Variants in TTLL12 observed in about 807,000 individuals in gnomAD.
TTLL12 encodes the protein tubulin--tyrosine ligase-like protein 12.
Under a neutral mutation model 79.6 loss-of-function variants are expected in TTLL12, and 77 were observed. The ratio of observed to expected loss-of-function variants is 0.97; its 90% CI spans 0.81 to 1.17. The LOEUF (loss-of-function observed/expected upper bound fraction) is 1.17, where lower values mean the gene tolerates loss of function less well. Among genes scored for constraint, TTLL12 ranks in the 50% most tolerant of loss-of-function variants. TTLL12 has a pLI of 0.00. For synonymous variants in TTLL12, 437 were observed against 376.1 expected, an observed-to-expected ratio of 1.16 and a Z score of -1.87; for missense variants, 969 against 895.9, an observed-to-expected ratio of 1.08 and a Z score of -1.04.
chr22:43,178,099 C>T (rs1931959742), intron 5 of TTLL12, among the ~76,000 whole-genome samples: 1 of 152,174 alleles, frequency 6.6e-6, no homozygotes, highest in Admixed American at 6.5e-5. Context: ...AAGGCATTCA[C>T]TTTTTCAGAC....
intron 3 of TTLL12, among the ~76,000 whole-genome samples, chr22:43,180,365 T>G (rs115768207): frequency 0.025 from 3,753 of 152,106 alleles, 177 homozygotes; most frequent in African/African-American, 0.079. Flanking sequence ...GCTAAAATCA[T>G]GAGAAACAAG....
chr22:43,186,813 G>A, intron 1 of TTLL12, 80 bp downstream of exon 1: 1 of 1,191,186 alleles, frequency 8.4e-7, no homozygotes, highest in Non-Finnish European at 1.0e-6. Flanking sequence ...GCCCGGGAGC[G>A]CTCTTCCCTG....
chr22:43,178,782 C>T (rs138944), intron 5 of TTLL12, among the ~76,000 whole-genome samples: 13,567 of 152,278 alleles, frequency 0.089, 722 homozygotes, highest in Non-Finnish European at 0.12. Flanking sequence ...CTGTGTGACC[C>T]CTGGCAAATG....
chr22:43,173,014 C>T (rs1014944761), intron 9 of TTLL12, among the ~76,000 whole-genome samples: 1 of 152,170 alleles, frequency 6.6e-6, no homozygotes, highest in Admixed American at 6.5e-5. Context: ...TCTTTATATC[C>T]ATTTTTAATT....
intron 11 of TTLL12, chr22:43,171,591 C>T (rs1931766054): frequency 2.0e-6 from 1 of 507,132 alleles, no homozygotes; most frequent in Non-Finnish European, 3.6e-6. Context: ...TTATCTCAAA[C>T]ACAGCCAGTG....
At chr22:43,185,585 G>A (rs1267734457) in intron 1 of TTLL12, among the ~76,000 whole-genome samples, 1 of 152,180 alleles carries the variant, frequency 6.6e-6, no homozygotes, top group African/African-American at 2.4e-5. Context: ...AGGCGGCCTG[G>A]GCAGGGGACG....
chr22:43,185,356 A>G (rs2413749), intron 1 of TTLL12, among the ~76,000 whole-genome samples: 5,780 of 147,556 alleles, frequency 0.039, 136 homozygotes, highest in Admixed American at 0.063. Flanking sequence ...AAGGTGAGGC[A>G]GGAGGGCTGA....
At position 43,168,825 on chromosome 22, in the gene TTLL12, G is replaced by A. The variant is rs138020386; in HGVS notation, c.1732C>T (p.Arg578Trp). Residue 578 changes from arginine (R) to tryptophan (W), a missense_variant, in exon 13 of 14, where the codon CGG (arginine) becomes TGG (tryptophan). Coordinates refer to ENST00000216129, the MANE Select transcript of TTLL12 (RefSeq NM_015140.4). ...PLGLCDYPSS[R>W]AMYAVDLMLK... ...ATGAGGTCGACGGCATACATGGCCC[G>A]GGATGAGGGGTAGTCGCAGAGGCCC... is the stretch of plus-strand genomic sequence containing the variant. 12 of 1,593,328 alleles carry A rather than the reference G, an allele frequency of 7.5e-6. No individual in the cohort carries two copies. Among genetic ancestry groups the A allele is most frequent in the African/African-American group, 6.7e-5 (5 of 74,432 alleles).
intron 5 of TTLL12, among the ~76,000 whole-genome samples, chr22:43,179,410 A>T (rs561147201): frequency 2.0e-4 from 30 of 151,972 alleles, no homozygotes; most frequent in African/African-American, 7.0e-4. Flanking sequence ...GCACCCTGGG[A>T]TCTGGAGCCC....
chr22:43,176,249 G>A, intron 6 of TTLL12, 71 bp downstream of exon 6: 2 of 1,184,684 alleles, frequency 1.7e-6, no homozygotes, highest in East Asian at 2.5e-5. Context: ...TGGGGCTGTG[G>A]GAACCACGAA....
Position 43,167,281 on chromosome 22 carries a change from G to T in TTLL12, c.*727C>A. The T allele has an allele frequency of 2.1e-6, 1 of 487,560 alleles. No individual in the cohort carries two copies. Among genetic ancestry groups the T allele is most frequent in the Admixed American group, 2.2e-5 (1 of 45,014 alleles). 30.2% of individuals were successfully genotyped at this position (487,560 alleles called of 1,614,324 possible). A position where few individuals can be genotyped will look rare whatever the true frequency, so the allele number is the denominator to read the frequency against. On this transcript the variant is annotated 3_prime_UTR_variant, in exon 14 of 14. Transcript: ENST00000216129. ...GTGCCCGGCGAGCAGGGCAACCACT[G>T]GGAAGACAGATACTGATTTCCCTGT... is the stretch of plus-strand genomic sequence containing the variant.
intron 6 of TTLL12, among the ~76,000 whole-genome samples, chr22:43,175,076 C>T (rs929176614): frequency 2.6e-5 from 4 of 152,202 alleles, no homozygotes; most frequent in South Asian, 2.1e-4. Flanking sequence ...TCAGCAAGAG[C>T]CCCTGGGCTG....
rs769989669 is a variant in TTLL12, at chr22:43,179,628, C to T, written c.831G>A (p.Glu277=). The part of the protein sequence containing the change: ...LSSCTPEPPA[E]HYQAILEENK... ...TGGAGGAGGGCTGCACCTGGTAGTG[C>T]TCGGCGGGCGGCTCGGGTGTGCAAG... The change falls in exon 5 of 14, where the codon GAG becomes GAA. Residue 277 remains glutamate (E), a synonymous_variant. Coordinates refer to ENST00000216129, the MANE Select transcript of TTLL12 (RefSeq NM_015140.4). 4.4e-6 allele frequency: 7 copies of T among 1,582,854 alleles called. No homozygotes were observed. The South Asian group carries it at 5.7e-5, about 13-fold the overall frequency.
At chr22:43,174,057 G>A (rs749681884) in intron 8 of TTLL12, 152 bp downstream of exon 8, 22 of 1,141,188 alleles carry the variant, frequency 1.9e-5, no homozygotes, top group South Asian at 2.9e-5. Context: ...GAGGTCCTGC[G>A]GTCCGTGAAG....
At chr22:43,171,454 G>A (rs1338524258) in intron 11 of TTLL12, among the ~76,000 whole-genome samples, 3 of 152,180 alleles carry the variant, frequency 2.0e-5, no homozygotes, top group South Asian at 2.1e-4. Flanking sequence ...GGGCCTCCCC[G>A]CCCCCGCCTG....
In TTLL12 at chr22:43,183,088, T is replaced by C. The variant is rs994150947; in HGVS notation, c.239A>G (p.Asp80Gly). 6.2e-7 allele frequency: 1 copy of C among 1,613,796 alleles called. No individual in the cohort carries two copies. Among genetic ancestry groups the C allele is most frequent in the Admixed American group, 1.7e-5 (1 of 60,016 alleles). ...CTTCCGCACCTCCCGGGCTGCCTCG[T>C]CCTCCTCCTCTTCTACCTCCTCCAC... ...MQVEEVEEEE[D>G]EAAREVRKQQ... Residue 80 changes from aspartate to glycine, a missense_variant, in exon 2 of 14, where the codon GAC becomes GGC. Coordinates refer to ENST00000216129, the MANE Select transcript of TTLL12 (RefSeq NM_015140.4).
chr22:43,171,273 C>A (rs62232065), intron 11 of TTLL12, among the ~76,000 whole-genome samples: 26,584 of 152,240 alleles, frequency 0.17, 2,657 homozygotes, highest in South Asian at 0.32. Flanking sequence ...CTCGCCCCCA[C>A]CTTGGAAGGG....
rs546662158 is a variant in TTLL12, at chr22:43,173,648, C to T, written c.1341+67G>A. ...CATAAGGACCATGATGCTCGGTCCC[C>T]TTAGCCCCACCTCTCACTGTCCAGC... On this transcript the variant is annotated intron_variant, in intron 9 of 13. Coordinates refer to ENST00000216129, the MANE Select transcript of TTLL12 (RefSeq NM_015140.4). The T allele has an allele frequency of 2.7e-6, 4 of 1,501,702 alleles. No individual in the cohort carries two copies. The South Asian group carries it at 4.5e-5, about 17-fold the overall frequency. The allele number at this position is 1,501,702 out of a possible 1,614,324, so 93.0% of individuals were successfully genotyped here. A position where few individuals can be genotyped will look rare whatever the true frequency, so the allele number is the denominator to read the frequency against.
chr22:43,177,324 A>G (rs1931940570), intron 5 of TTLL12, among the ~76,000 whole-genome samples: 1 of 152,158 alleles, frequency 6.6e-6, no homozygotes, highest in African/African-American at 2.4e-5. Context: ...AGCTAGGATC[A>G]TGCCACTGTA....
Sources: allele counts gnomAD v4.1 joint callset (sites outside exome capture counted in the v4.1 genomes callset), GRCh38; gene constraint gnomAD v4.1.1; transcripts MANE v1.5; gene names NCBI Gene and HGNC (gene_info 2026-07-23, HGNC 2026-07-21).